NHS: variants seen among roughly 807,000 people sequenced by gnomAD.
NHS encodes NHS actin remodeling regulator, also known as actin remodeling regulator NHS.
Under a neutral mutation model 72.5 loss-of-function variants are expected in NHS, and 5 were observed. The observed-to-expected ratio is 0.07, with a 90% CI of 0.04 to 0.14. NHS has a LOEUF of 0.14. NHS is among the 10% of genes least tolerant of loss of function. The pLI is 1.00. For missense variants in NHS, 1,072 were observed against 1,355.7 expected (o/e 0.79, Z 3.29); for synonymous variants, 464 against 547.7 (o/e 0.85, Z 2.13).
intron 1 of NHS, among the ~76,000 whole-genome samples, chrX:17,393,824 G>A (rs1445330679): frequency 9.0e-6 from 1 of 111,709 alleles, no homozygotes; most frequent in African/African-American, 3.3e-5. Flanking sequence ...TGCTGTCAGA[G>A]CCTTGGATGT....
chrX:17,479,462 C>T (rs1056573065), intron 1 of NHS, among the ~76,000 whole-genome samples: 1 of 112,148 alleles, frequency 8.9e-6, no homozygotes, highest in Non-Finnish European at 1.9e-5. Context: ...GGTTCTAGAT[C>T]CTTGAGGAAT....
intron 1 of NHS, among the ~76,000 whole-genome samples, chrX:17,666,403 T>C (rs965509560): frequency 1.8e-5 from 2 of 108,257 alleles, no homozygotes; most frequent in South Asian, 3.7e-4. Flanking sequence ...TAGGACCAAG[T>C]AGGGAAAGGC....
chrX:17,490,367 A>G lies in NHS; in HGVS notation c.565+114045A>G, dbSNP rs1200382431. Among the ~76,000 whole-genome samples, 5 of 111,724 alleles carry G rather than the reference A, an allele frequency of 4.5e-5. No individual in the cohort carries two copies. The South Asian group carries it at 1.1e-3, about 25-fold the overall frequency. On this transcript the variant is annotated intron_variant, in intron 1 of 8. Transcript: ENST00000676302. ...TGGCTAGCCAGTTTTCCCAACACCA[A>G]TTACTAAATAGAGAATCCTTTCCCC...
At chrX:17,378,336 G>C (rs2064357423) in intron 1 of NHS, among the ~76,000 whole-genome samples, 1 of 111,538 alleles carries the variant, frequency 9.0e-6, no homozygotes. Flanking sequence ...GAATAATAAA[G>C]ATGGGGCTGA....
chrX:17,596,005 A>T (rs908355012), intron 1 of NHS, among the ~76,000 whole-genome samples: 1 of 107,526 alleles, frequency 9.3e-6, no homozygotes, highest in African/African-American at 3.4e-5. Context: ...GGCTGGAGTT[A>T]AATTACAGAC....
chrX:17,475,156 AT>A (rs1257411962), intron 1 of NHS, among the ~76,000 whole-genome samples: 1 of 112,086 alleles, frequency 8.9e-6, no homozygotes, highest in Non-Finnish European at 1.9e-5. Context: ...GCAAAGAGCC[AT>A]TTTACTTTCC....
chrX:17,432,029 T>G (rs186565901), intron 1 of NHS, among the ~76,000 whole-genome samples: 6 of 112,260 alleles, frequency 5.3e-5, no homozygotes, highest in Non-Finnish European at 9.4e-5. Context: ...GAACTTGAAA[T>G]GCCTTGCTCT....
intron 1 of NHS, among the ~76,000 whole-genome samples, chrX:17,475,162 C>G (rs1211314405): frequency 8.9e-6 from 1 of 112,194 alleles, no homozygotes; most frequent in Non-Finnish European, 1.9e-5. Context: ...AGCCATTTTA[C>G]TTTCCTCTAA....
chrX:17,532,341 G>T (rs2146943650), intron 1 of NHS, among the ~76,000 whole-genome samples: 1 of 110,664 alleles, frequency 9.0e-6, no homozygotes, highest in African/African-American at 3.3e-5. Flanking sequence ...CTGATTATAT[G>T]CCAGGCACTG....
chrX:17,637,918 G>C (rs1194927154), intron 1 of NHS, among the ~76,000 whole-genome samples: 2 of 112,193 alleles, frequency 1.8e-5, no homozygotes, highest in African/African-American at 6.5e-5. Flanking sequence ...GCCACGTGCT[G>C]GATGTTGTAG....
intron 1 of NHS, among the ~76,000 whole-genome samples, chrX:17,611,233 C>A (rs971303785): frequency 1.8e-5 from 2 of 112,365 alleles, no homozygotes; most frequent in African/African-American, 6.5e-5. Context: ...GATTTAAGAA[C>A]TAATTCTAGA....
chrX:17,413,947 C>G (rs1235244785), intron 1 of NHS, among the ~76,000 whole-genome samples: 1 of 112,304 alleles, frequency 8.9e-6, no homozygotes, highest in Admixed American at 9.4e-5. Context: ...TATAGAGAAT[C>G]AGGCTGCAGG....
At chrX:17,646,961 G>C (rs1278619059) in intron 1 of NHS, among the ~76,000 whole-genome samples, 1 of 111,757 alleles carries the variant, frequency 8.9e-6, no homozygotes, top group Non-Finnish European at 1.9e-5. Flanking sequence ...GAAGCAAAAT[G>C]AACTAAATTA....
At chrX:17,507,366 G>C (rs749568980) in intron 1 of NHS, among the ~76,000 whole-genome samples, 1 of 111,816 alleles carries the variant, frequency 8.9e-6, no homozygotes, top group South Asian at 3.7e-4. Flanking sequence ...CTGTGAACTT[G>C]TCTGTCACAC....
intron 1 of NHS, among the ~76,000 whole-genome samples, chrX:17,382,116 C>A (rs1206013985): frequency 8.9e-6 from 1 of 111,856 alleles, no homozygotes; most frequent in East Asian, 2.8e-4. Flanking sequence ...TTTTCTCTCT[C>A]TTTTTTAACT....
At chrX:17,682,947 G>A (rs2066138366) in intron 1 of NHS, among the ~76,000 whole-genome samples, 1 of 111,473 alleles carries the variant, frequency 9.0e-6, no homozygotes, top group Non-Finnish European at 1.9e-5. Context: ...GCTTCCTCCT[G>A]CTCTTAGAAA....
intron 1 of NHS, among the ~76,000 whole-genome samples, chrX:17,409,549 T>C (rs1425752845): frequency 9.0e-6 from 1 of 111,326 alleles, no homozygotes; most frequent in Non-Finnish European, 1.9e-5. Flanking sequence ...CAATGGCTCA[T>C]ATAACAAATG....
intron 1 of NHS, among the ~76,000 whole-genome samples, chrX:17,570,185 G>GT (rs775884784): frequency 2.7e-5 from 3 of 111,918 alleles, no homozygotes; most frequent in African/African-American, 9.7e-5. Context: ...CTTTAAAGTA[G>GT]TTTTTTTCCA....
At chrX:17,513,153 C>T (rs1353237354) in intron 1 of NHS, among the ~76,000 whole-genome samples, 4 of 111,843 alleles carry the variant, frequency 3.6e-5, no homozygotes, top group East Asian at 2.8e-4. Context: ...TGTAAATGCT[C>T]GGTTTCTTCA....
Sources: allele counts gnomAD v4.1 joint callset (sites outside exome capture counted in the v4.1 genomes callset), GRCh38; gene constraint gnomAD v4.1.1; transcripts MANE v1.5; gene names NCBI Gene and HGNC (gene_info 2026-07-23, HGNC 2026-07-21).